BACH2: variants seen among roughly 807,000 people sequenced by gnomAD.
BACH2 encodes transcription regulator protein BACH2.
In BACH2, 5 loss-of-function variants were observed where a neutral mutation model predicts 61.8. That is an observed-to-expected ratio of 0.08 (90% CI 0.04 to 0.17). The LOEUF (loss-of-function observed/expected upper bound fraction) is 0.17, where lower values mean the gene tolerates loss of function less well. BACH2 is among the 10% of genes least tolerant of loss of function. The pLI, the probability that BACH2 is intolerant of heterozygous loss-of-function variation, is 1.00. For synonymous variants in BACH2, 446 were observed against 440.1 expected (o/e 1.01, Z -0.17); for missense variants, 824 against 1,091.1 (o/e 0.76, Z 3.45).
intron 3 of BACH2, among the ~76,000 whole-genome samples, chr6:90,249,430 G>A (rs1406399729): frequency 6.6e-6 from 1 of 152,102 alleles, no homozygotes; most frequent in African/African-American, 2.4e-5. Flanking sequence ...CTACCTAACA[G>A]CAATGTTTAA....
chr6:90,180,860 TACAC>T (rs111933173), intron 4 of BACH2, among the ~76,000 whole-genome samples: 13,892 of 147,218 alleles, frequency 0.094, 714 homozygotes, highest in Admixed American at 0.11. Flanking sequence ...TTATGTGTAT[TACAC>T]ACACACACAC....
chr6:90,232,594 A>C (rs779048563), intron 3 of BACH2, among the ~76,000 whole-genome samples: 1 of 152,242 alleles, frequency 6.6e-6, no homozygotes, highest in Non-Finnish European at 1.5e-5. Context: ...ATACTATGTG[A>C]GTTTTTCTAA....
At chr6:89,960,067 C>T (rs1453912635) in intron 6 of BACH2, among the ~76,000 whole-genome samples, 1 of 152,178 alleles carries the variant, frequency 6.6e-6, no homozygotes, top group Non-Finnish European at 1.5e-5. Context: ...GGCACCCGCC[C>T]CTCCACCATG....
intron 1 of BACH2, among the ~76,000 whole-genome samples, chr6:90,284,472 G>A (rs1771956602): frequency 6.6e-6 from 1 of 152,194 alleles, no homozygotes; most frequent in Admixed American, 6.5e-5. Flanking sequence ...AATAGATGCT[G>A]TGTAGGAGGG....
At chr6:90,217,857 C>T (rs1260726426) in intron 3 of BACH2, 1 of 151,178 alleles carries the variant, frequency 6.6e-6, no homozygotes, top group African/African-American at 2.4e-5. Context: ...TTTTAATGCC[C>T]CAGAAGCTAA....
At chr6:90,126,482 G>A (rs76633762) in intron 4 of BACH2, among the ~76,000 whole-genome samples, 2 of 152,096 alleles carry the variant, frequency 1.3e-5, no homozygotes, top group African/African-American at 4.8e-5. Context: ...GGGATGAAGA[G>A]GGGAGAAGGA....
chr6:90,167,021 C>A (rs1368355096), intron 4 of BACH2, among the ~76,000 whole-genome samples: 3 of 152,050 alleles, frequency 2.0e-5, no homozygotes, highest in South Asian at 2.1e-4. Flanking sequence ...CTAACCTGCA[C>A]GTTGTGCACA....
intron 4 of BACH2, among the ~76,000 whole-genome samples, chr6:90,170,666 A>G (rs1043875197): frequency 2.0e-5 from 3 of 152,192 alleles, no homozygotes; most frequent in African/African-American, 7.2e-5. Flanking sequence ...TACCTTTTTG[A>G]CTGTAGTGAA....
intron 4 of BACH2, among the ~76,000 whole-genome samples, chr6:90,123,902 C>T (rs1173381039): frequency 2.6e-5 from 4 of 151,672 alleles, no homozygotes; most frequent in African/African-American, 9.7e-5. Flanking sequence ...CTGAGGGGAG[C>T]AGGAGGGAGG....
intron 5 of BACH2, among the ~76,000 whole-genome samples, chr6:90,052,785 G>T (rs571338645): frequency 5.0e-4 from 76 of 152,268 alleles, no homozygotes; most frequent in African/African-American, 1.8e-3. Flanking sequence ...GTATTTGCTC[G>T]AATACGAATT....
intron 4 of BACH2, among the ~76,000 whole-genome samples, chr6:90,188,649 T>C (rs541069818): frequency 1.3e-5 from 2 of 150,948 alleles, no homozygotes; most frequent in East Asian, 2.0e-4. Context: ...CTGAATAAAA[T>C]AATATAGCTA....
intron 4 of BACH2, among the ~76,000 whole-genome samples, chr6:90,195,502 C>G (rs1301052590): frequency 6.6e-6 from 1 of 152,122 alleles, no homozygotes. Flanking sequence ...AGGTGTGGAT[C>G]TAGTCTGTGA....
At chr6:90,048,274 G>A (rs920185960) in intron 5 of BACH2, among the ~76,000 whole-genome samples, 12 of 152,142 alleles carry the variant, frequency 7.9e-5, no homozygotes, top group African/African-American at 2.4e-4. Flanking sequence ...AACTACAGGT[G>A]TGCATAACCA....
chr6:90,247,996 A>C (rs1770692993), intron 3 of BACH2, among the ~76,000 whole-genome samples: 1 of 152,214 alleles, frequency 6.6e-6, no homozygotes, highest in African/African-American at 2.4e-5. Flanking sequence ...TCTAGCTTAG[A>C]GTATATCATA....
intron 3 of BACH2, among the ~76,000 whole-genome samples, chr6:90,234,933 A>AT (rs1214413585): frequency 1.3e-5 from 2 of 152,084 alleles, no homozygotes; most frequent in African/African-American, 4.8e-5. Flanking sequence ...TCTTCATGTG[A>AT]TTTTGTTTCT....
At chr6:89,957,682 C>A (rs564832123) in intron 6 of BACH2, among the ~76,000 whole-genome samples, 7 of 152,088 alleles carry the variant, frequency 4.6e-5, no homozygotes, top group Admixed American at 3.3e-4. Context: ...CTGGGACTAT[C>A]GGCATATACC....
intron 2 of BACH2, among the ~76,000 whole-genome samples, chr6:90,260,395 A>C (rs1771118005): frequency 6.6e-6 from 1 of 152,160 alleles, no homozygotes; most frequent in Admixed American, 6.5e-5. Flanking sequence ...AGTTTATACC[A>C]CTGTGGTTTG....
chr6:89,997,814 T>C (rs1423408980), intron 6 of BACH2, among the ~76,000 whole-genome samples: 1 of 152,214 alleles, frequency 6.6e-6, no homozygotes, highest in African/African-American at 2.4e-5. Context: ...CCTGGCTTGA[T>C]AAACCCAAGG....
At chr6:90,167,276 G>A (rs1362017727) in intron 4 of BACH2, among the ~76,000 whole-genome samples, 1 of 152,174 alleles carries the variant, frequency 6.6e-6, no homozygotes, top group East Asian at 1.9e-4. Context: ...AACCAAGGCT[G>A]GAGAAGTTTC....
Sources: allele counts gnomAD v4.1 joint callset (sites outside exome capture counted in the v4.1 genomes callset), GRCh38; gene constraint gnomAD v4.1.1; transcripts MANE v1.5; gene names NCBI Gene and HGNC (gene_info 2026-07-23, HGNC 2026-07-21).